The following JMJD1C variants were observed in gnomAD, a reference collection of about 807,000 sequenced individuals.
JMJD1C encodes jumonji domain-containing protein 1C.
A neutral mutation model predicts 245.3 loss-of-function variants in JMJD1C; 31 were observed. The ratio of observed to expected loss-of-function variants is 0.13; its 90% CI spans 0.09 to 0.17. The LOEUF is 0.17. Ranked by LOEUF, JMJD1C falls within the 10% of genes least tolerant of loss-of-function variation. The pLI, the probability that JMJD1C is intolerant of heterozygous loss-of-function variation, is 1.00. For synonymous variants in JMJD1C, 1,057 were observed against 1,017.4 expected, an observed-to-expected ratio of 1.04 and a Z score of -0.74; for missense variants, 2,691 against 3,000.2, an observed-to-expected ratio of 0.90 and a Z score of 2.41.
chr10:63,454,877 C>T (rs1589780352), intron 1 of JMJD1C, among the ~76,000 whole-genome samples: 1 of 152,204 alleles, frequency 6.6e-6, no homozygotes, highest in Non-Finnish European at 1.5e-5. Flanking sequence ...GTCCTGTAAA[C>T]TGCTGTCAGA....
chr10:63,295,130 G>A (rs1379441963), intron 2 of JMJD1C, among the ~76,000 whole-genome samples: 3 of 152,034 alleles, frequency 2.0e-5, no homozygotes, highest in Non-Finnish European at 2.9e-5. Flanking sequence ...CCGTGTCGTT[G>A]GGGCTGGAGT....
rs527326939 is a variant in JMJD1C at position 63,226,938 on chromosome 10, C to T, written c.448-6955G>A. 5.3e-5 allele frequency among the ~76,000 whole-genome samples: 8 copies of T among 151,892 alleles called. No individual in the cohort carries two copies. In the East Asian group the frequency reaches 9.7e-4, roughly 18 times the overall value. Reference sequence around the variant, plus strand: ...AAAAATGTATTTAGGTGTAGTGGTGCGCATCTATAATCCCAGCTACTCGGG... The same window carrying T: ...AAAAATGTATTTAGGTGTAGTGGTGTGCATCTATAATCCCAGCTACTCGGG... On this transcript the variant is annotated intron_variant, in intron 3 of 25. Coordinates refer to ENST00000399262, the MANE Select transcript of JMJD1C (RefSeq NM_032776.3).
At chr10:63,187,928 C>A (rs1199423221) in intron 18 of JMJD1C, among the ~76,000 whole-genome samples, 1 of 152,132 alleles carries the variant, frequency 6.6e-6, no homozygotes, top group Non-Finnish European at 1.5e-5. Context: ...CATGATCATT[C>A]CTCTAGCCAT....
chr10:63,306,084 T>A (rs1237415823), intron 2 of JMJD1C, among the ~76,000 whole-genome samples: 3 of 151,902 alleles, frequency 2.0e-5, no homozygotes, highest in African/African-American at 7.3e-5. Flanking sequence ...TCACGTTTTT[T>A]TAATTTTATT....
Position 63,215,013 on chromosome 10 carries a change from T to C in JMJD1C, c.1154A>G (p.Asn385Ser). 1.2e-6 allele frequency: 2 copies of C among 1,603,266 alleles called. No individual in the cohort carries two copies. Among genetic ancestry groups the C allele is most frequent in the Non-Finnish European group, 1.7e-6 (2 of 1,173,922 alleles). ...TGAGGAATTATCTATTATTCTCTTA[T>C]TTGAATTTTCTGAGTCACTGCTCTC... ...FSESSDSENS[N>S]KRIIDNSSEQ... Residue 385 changes from asparagine to serine, a missense_variant, in exon 8 of 26, where the codon AAT becomes AGT. Asn to Ser is a conservative substitution (Grantham distance 46). Around this residue, in one of 9 missense-constraint regions of JMJD1C, gnomAD observed 1,562 missense variants for 1,490.7 expected, o/e 1.05. Transcript: ENST00000399262.
chr10:63,459,325 G>A (rs992658245), intron 1 of JMJD1C, among the ~76,000 whole-genome samples: 5 of 152,198 alleles, frequency 3.3e-5, no homozygotes, highest in African/African-American at 2.4e-5. Context: ...TGGACCTACA[G>A]TTATTTATCT....
chr10:63,271,571 G>A (rs1856302207), intron 2 of JMJD1C, among the ~76,000 whole-genome samples: 1 of 151,912 alleles, frequency 6.6e-6, no homozygotes, highest in Non-Finnish European at 1.5e-5. Context: ...ATTTTTTTGA[G>A]ATAGAGTTTC....
At chr10:63,364,776 C>A (rs187442029) in intron 2 of JMJD1C, among the ~76,000 whole-genome samples, 1 of 152,160 alleles carries the variant, frequency 6.6e-6, no homozygotes, top group Non-Finnish European at 1.5e-5. Flanking sequence ...CCACCTCACA[C>A]GTGGCCGAGC....
intron 2 of JMJD1C, among the ~76,000 whole-genome samples, chr10:63,330,652 T>C (rs902443300): frequency 3.3e-5 from 5 of 151,456 alleles, no homozygotes; most frequent in African/African-American, 1.2e-4. Context: ...CTTAGGATTA[T>C]TTCTATTGTT....
chr10:63,208,479 T>C lies in JMJD1C; in HGVS notation c.3190A>G (p.Ile1064Val), dbSNP rs139855810. The change falls in exon 10 of 26, where the codon ATC (isoleucine) becomes GTC (valine). Residue 1064 changes from isoleucine to valine, a missense_variant. Transcript: ENST00000399262. ...CGTTCTACATCCATATCTTGTTTGATGATATGGCTTTTAGGACTGGAAGAT... is the reference window on the plus strand; with the variant it reads ...CGTTCTACATCCATATCTTGTTTGACGATATGGCTTTTAGGACTGGAAGAT... ...SSSSSPKSHI[I>V]KQDMDVERSV... 2 of 1,613,388 alleles carry C rather than the reference T, an allele frequency of 1.2e-6. No homozygotes were observed. The highest frequency in any genetic ancestry group is 1.1e-5 in the South Asian group (1 of 91,058).
At chr10:63,497,846 A>T (rs1954411250) in intron 1 of JMJD1C, among the ~76,000 whole-genome samples, 1 of 152,218 alleles carries the variant, frequency 6.6e-6, no homozygotes, top group Non-Finnish European at 1.5e-5. Context: ...TAGAGAAAAC[A>T]TCAGAATAAA....
chr10:63,238,575 T>C (rs1270854104), intron 3 of JMJD1C, among the ~76,000 whole-genome samples: 1 of 152,236 alleles, frequency 6.6e-6, no homozygotes, highest in Non-Finnish European at 1.5e-5. Flanking sequence ...GCAGTTATAA[T>C]CGATGTAAAC....
chr10:63,186,524 T>C (rs1026873661), intron 18 of JMJD1C, 141 bp from the exon 19 acceptor site: 43 of 569,774 alleles, frequency 7.5e-5, no homozygotes, highest in Non-Finnish European at 1.2e-4. Flanking sequence ...CTGTCACCCT[T>C]TGGGCTCAAT....
chr10:63,468,511 T>G (rs1164531701), upstream of JMJD1C, among the ~76,000 whole-genome samples: 1 of 152,238 alleles, frequency 6.6e-6, no homozygotes. Flanking sequence ...CTTAACTTGT[T>G]TCCTTACATT....
chr10:63,320,057 T>C (rs961269643), intron 2 of JMJD1C, among the ~76,000 whole-genome samples: 1 of 152,070 alleles, frequency 6.6e-6, no homozygotes, highest in African/African-American at 2.4e-5. Context: ...TTAGCCACCA[T>C]GCCTGACTCA....
chr10:63,440,695 T>C (rs1308537507), intron 1 of JMJD1C, among the ~76,000 whole-genome samples: 1 of 152,166 alleles, frequency 6.6e-6, no homozygotes, highest in Non-Finnish European at 1.5e-5. Context: ...GATATTTTAA[T>C]TCAAAATATC....
intron 3 of JMJD1C, among the ~76,000 whole-genome samples, chr10:63,259,144 T>C (rs1410118797): frequency 6.6e-6 from 1 of 151,960 alleles, no homozygotes; most frequent in Non-Finnish European, 1.5e-5. Context: ...TACTTCTTTC[T>C]GTAAACTACT....
At chr10:63,246,556 A>G (rs1852228362) in intron 3 of JMJD1C, among the ~76,000 whole-genome samples, 2 of 152,194 alleles carry the variant, frequency 1.3e-5, no homozygotes, top group Admixed American at 1.3e-4. Flanking sequence ...GAGAGAATTT[A>G]TCACCACCAG....
chr10:63,270,473 CTTTTTT>C (rs538368803), intron 2 of JMJD1C, among the ~76,000 whole-genome samples: 1 of 145,226 alleles, frequency 6.9e-6, no homozygotes, highest in Non-Finnish European at 1.5e-5. Context: ...CCAGCCTCTT[CTTTTTT>C]TTTTTGAGAC....
Sources: gnomAD v4.1 joint callset for allele counts (sites outside exome capture counted in the v4.1 genomes callset) on GRCh38, gnomAD v4.1.1 for gene constraint, gnomAD v4.1.1 regional missense constraint, MANE v1.5 for transcripts, NCBI Gene and HGNC (gene_info 2026-07-23, HGNC 2026-07-21) for gene names.